The following RUVBL1 variants were observed in gnomAD, a reference collection of about 807,000 sequenced individuals.
RUVBL1 encodes RuvB like AAA ATPase 1.
RUVBL1 carries 4 observed loss-of-function variants against 52.4 expected under a neutral mutation model. That is an observed-to-expected ratio of 0.08 (90% CI 0.04 to 0.17). The LOEUF (loss-of-function observed/expected upper bound fraction) is 0.17, where lower values mean the gene tolerates loss of function less well. Among genes scored for constraint, RUVBL1 ranks in the 10% least tolerant of loss-of-function variants. The pLI is 1.00. For missense variants in RUVBL1, 298 were observed against 572.8 expected, an observed-to-expected ratio of 0.52 and a Z score of 4.90; for synonymous variants, 217 against 214.4, an observed-to-expected ratio of 1.01 and a Z score of -0.10.
chr3:128,069,195 T>C (rs1322897021), intron 9 of RUVBL1, among the ~76,000 whole-genome samples: 8 of 152,234 alleles, frequency 5.3e-5, no homozygotes, highest in Non-Finnish European at 1.2e-4. Context: ...AGAAAAACCA[T>C]GATGAAATAT....
At chr3:128,139,420 C>T (rs142393411) in intron 1 of RUVBL1, among the ~76,000 whole-genome samples, 1 of 152,234 alleles carries the variant, frequency 6.6e-6, no homozygotes, top group Non-Finnish European at 1.5e-5. Flanking sequence ...AGAAGACATA[C>T]AAATGGCAAG....
At chr3:128,111,060 A>G (rs1943380232) in intron 3 of RUVBL1, among the ~76,000 whole-genome samples, 1 of 151,772 alleles carries the variant, frequency 6.6e-6, no homozygotes, top group African/African-American at 2.4e-5. Context: ...CCCCATCTCT[A>G]CTAAAAATAC....
chr3:128,090,441 C>A (rs1245355255), intron 8 of RUVBL1, among the ~76,000 whole-genome samples: 1 of 152,140 alleles, frequency 6.6e-6, no homozygotes, highest in African/African-American at 2.4e-5. Context: ...ATGGCGTGAA[C>A]CCGGGAGGCG....
downstream of RUVBL1, among the ~76,000 whole-genome samples, chr3:128,077,108 G>A (rs1942355720): frequency 6.6e-6 from 1 of 151,848 alleles, no homozygotes; most frequent in African/African-American, 2.4e-5. Context: ...CGCGGGCCGG[G>A]CCGGCCTGAC....
chr3:128,105,036 T>G, intron 3 of RUVBL1, 112 bp from the exon 4 acceptor site: 22 of 1,117,156 alleles, frequency 2.0e-5, no homozygotes, highest in South Asian at 5.3e-5. Context: ...ATAATGTACA[T>G]TCCAGGGTGT....
chr3:128,074,707 T>G (rs920376439), intron 9 of RUVBL1, among the ~76,000 whole-genome samples: 3 of 151,918 alleles, frequency 2.0e-5, no homozygotes, highest in African/African-American at 7.3e-5. Flanking sequence ...CTGGGTGTGG[T>G]GGCATGCGCT....
intron 8 of RUVBL1, 40 bp downstream of exon 8, chr3:128,097,260 A>T (rs755066878): frequency 1.3e-6 from 2 of 1,572,838 alleles, no homozygotes; most frequent in East Asian, 2.3e-5. Context: ...GCCCAGATGG[A>T]AGTTAAAAAA....
At chr3:128,153,584 C>G in exon 1 of RUVBL1, 1 of 1,566,336 alleles carries the variant, frequency 6.4e-7, no homozygotes, top group Non-Finnish European at 8.6e-7. Flanking sequence ...CTGGCGCGGG[C>G]GCTAAGCACC....
At chr3:128,148,170 T>C (rs541734910) in intron 1 of RUVBL1, among the ~76,000 whole-genome samples, 33 of 151,792 alleles carry the variant, frequency 2.2e-4, no homozygotes, top group Middle Eastern at 6.8e-3. Flanking sequence ...ATTGTGATGG[T>C]GATTACCTGA....
intron 1 of RUVBL1, among the ~76,000 whole-genome samples, chr3:128,131,438 A>G (rs926613023): frequency 3.3e-5 from 5 of 152,172 alleles, no homozygotes; most frequent in South Asian, 4.1e-4. Flanking sequence ...AGATCACGTC[A>G]CTGCACTCCA....
intron 3 of RUVBL1, among the ~76,000 whole-genome samples, chr3:128,107,736 A>G (rs35804055): frequency 0.14 from 21,075 of 152,292 alleles, 1,630 homozygotes; most frequent in African/African-American, 0.2. Flanking sequence ...CATTAATCTT[A>G]GACAAAAATT....
chr3:128,100,626 T>A lies in RUVBL1; in HGVS notation c.722A>T (p.His241Leu), dbSNP rs779672958. 2.5e-6 allele frequency: 4 copies of A among 1,612,702 alleles called. No individual in the cohort carries two copies. The highest frequency in any genetic ancestry group is 3.4e-6 in the Non-Finnish European group (4 of 1,179,598). Residue 241 changes from histidine to leucine, a missense_variant, in exon 6 of 11, where the codon CAT becomes CTT. By Grantham distance (99) the His-to-Leu change is moderately conservative. Coordinates refer to ENST00000322623, the MANE Select transcript of RUVBL1 (RefSeq NM_003707.3). Reference sequence around the variant, plus strand: ...CCGCGCATTAGCCACATCCAAGTCATGCAAGGTCACATCTTGGATGATTTC... The same window carrying A: ...CCGCGCATTAGCCACATCCAAGTCAAGCAAGGTCACATCTTGGATGATTTC... ...KKEIIQDVTL[H>L]DLDVANARPQ...
chr3:128,148,209 C>T lies in RUVBL1; in HGVS notation c.-40+4994G>A, dbSNP rs747175274. 3.8e-4 allele frequency among the ~76,000 whole-genome samples: 58 copies of T among 151,730 alleles called. 2 individuals carry two copies. Among genetic ancestry groups the T allele is most frequent in the Admixed American group, 3.0e-3 (46 of 15,228 alleles). ...CATGCATTGGCCAAAGCTCATAGAG[C>T]CGTACACCAACAAGGGTGAATTTTA... On this transcript the variant is annotated intron_variant, in intron 1 of 9. Coordinates refer to the RUVBL1 transcript ENST00000464873.
At chr3:128,150,462 T>C (rs1366055200) in intron 1 of RUVBL1, among the ~76,000 whole-genome samples, 3 of 148,804 alleles carry the variant, frequency 2.0e-5, no homozygotes, top group African/African-American at 7.4e-5. Flanking sequence ...ATATATTCCA[T>C]ATATGTGTAT....
intron 1 of RUVBL1, among the ~76,000 whole-genome samples, chr3:128,131,247 A>T (rs1271823214): frequency 6.6e-6 from 1 of 152,088 alleles, no homozygotes; most frequent in Admixed American, 6.6e-5. Flanking sequence ...CATACCTGTA[A>T]TCCCAGCACT....
chr3:128,097,504 A>C lies in RUVBL1; in HGVS notation c.818-6T>G. The C allele has an allele frequency of 6.2e-7, 1 of 1,614,024 alleles. No individual in the cohort carries two copies. Among genetic ancestry groups the C allele is most frequent in the Non-Finnish European group, 8.5e-7 (1 of 1,179,894 alleles). On this transcript the variant is annotated splice_region_variant and splice_polypyrimidine_tract_variant and intron_variant, in intron 7 of 10. Transcript: ENST00000322623. ...AATCTCCCCTCGAAGTTTGTCTAGG[A>C]GATGCAAGGATGGGCAGGCAAGGTC...
rs932624692 is a variant in RUVBL1 at position 128,067,847 on chromosome 3, T to C, written c.940-2627A>G. 2.6e-5 allele frequency: 20 copies of C among 766,204 alleles called. No homozygotes were observed. The African/African-American group carries it at 3.5e-4, about 13-fold the overall frequency. The allele number at this position is 766,204 out of a possible 1,614,324, so 47.5% of individuals were successfully genotyped here. A position where few individuals can be genotyped will look rare whatever the true frequency, so the allele number is the denominator to read the frequency against. On this transcript the variant is annotated intron_variant, in intron 9 of 9. Coordinates refer to the RUVBL1 transcript ENST00000464873. The surrounding 1 kb of genome is among the most constrained non-coding windows in gnomAD (Gnocchi z 4.1). ...GTTAGACTTTTTCATATGACTTCCT[T>C]GCGGCAGTTTTAAAGTTCTCTGTAT...
At chr3:128,095,372 T>A (rs1269346539) in intron 8 of RUVBL1, among the ~76,000 whole-genome samples, 2 of 152,230 alleles carry the variant, frequency 1.3e-5, no homozygotes, top group Non-Finnish European at 2.9e-5. Context: ...CTGTCAGGCT[T>A]CAGCCTGGCC....
chr3:128,099,941 C>T (rs980193900), intron 6 of RUVBL1, among the ~76,000 whole-genome samples: 10 of 152,202 alleles, frequency 6.6e-5, no homozygotes, highest in African/African-American at 2.4e-4. Context: ...TGGGGATGGC[C>T]ATTTCACCAA....
Sources: allele counts gnomAD v4.1 joint callset (sites outside exome capture counted in the v4.1 genomes callset), GRCh38; gene constraint gnomAD v4.1.1; non-coding constraint Gnocchi (gnomAD v3.1); transcripts MANE v1.5; gene names NCBI Gene and HGNC (gene_info 2026-07-23, HGNC 2026-07-21).